The following ARHGEF7 variants were observed in gnomAD, a reference collection of about 807,000 sequenced individuals.
The protein encoded by ARHGEF7 is Rho guanine nucleotide exchange factor 7.
In ARHGEF7, 33 loss-of-function variants were observed where a neutral mutation model predicts 109.8. The ratio of observed to expected loss-of-function variants is 0.30; its 90% CI spans 0.23 to 0.40. The LOEUF (loss-of-function observed/expected upper bound fraction) is 0.40, where lower values mean the gene tolerates loss of function less well. Ranked by LOEUF, ARHGEF7 falls within the 10% of genes least tolerant of loss-of-function variation. The pLI, the probability that ARHGEF7 is intolerant of heterozygous loss-of-function variation, is 1.00. For missense variants in ARHGEF7, 938 were observed against 1,098.5 expected (o/e 0.85, Z 2.07); for synonymous variants, 458 against 424.6 (o/e 1.08, Z -0.97).
At chr13:111,135,625 T>C (rs1169683252) in intron 1 of ARHGEF7, among the ~76,000 whole-genome samples, 1 of 152,230 alleles carries the variant, frequency 6.6e-6, no homozygotes, top group African/African-American at 2.4e-5. Context: ...AGAATGCTTG[T>C]GATTTTTGCA....
At chr13:111,161,113 C>A (rs1330686414) in intron 2 of ARHGEF7, among the ~76,000 whole-genome samples, 1 of 152,066 alleles carries the variant, frequency 6.6e-6, no homozygotes, top group African/African-American at 2.4e-5. Context: ...TGAAAATATC[C>A]CTAAATCTGA....
At chr13:111,265,570 G>T in intron 8 of ARHGEF7, 1 of 456,756 alleles carries the variant, frequency 2.2e-6, no homozygotes, top group Non-Finnish European at 4.4e-6. Flanking sequence ...CGGGAAGTCC[G>T]GGGTCTGAGG....
intron 15 of ARHGEF7, among the ~76,000 whole-genome samples, chr13:111,282,507 T>G (rs2092824695): frequency 6.6e-6 from 1 of 152,226 alleles, no homozygotes; most frequent in South Asian, 2.1e-4. Context: ...CATAATTGGT[T>G]TTAATACCAG....
intron 9 of ARHGEF7, among the ~76,000 whole-genome samples, chr13:111,269,413 G>A (rs553641197): frequency 5.7e-4 from 87 of 152,320 alleles, no homozygotes; most frequent in African/African-American, 1.9e-3. Context: ...AAAATGCGAA[G>A]CCATTCAAGA....
At chr13:111,141,591 G>A (rs879103058) in intron 1 of ARHGEF7, among the ~76,000 whole-genome samples, 6 of 151,716 alleles carry the variant, frequency 4.0e-5, no homozygotes, top group Admixed American at 2.0e-4. Context: ...CTTTCTGATC[G>A]GCTTCTTTCA....
At chr13:111,173,073 C>T (rs1415118225) in intron 2 of ARHGEF7, among the ~76,000 whole-genome samples, 1 of 152,156 alleles carries the variant, frequency 6.6e-6, no homozygotes, top group Non-Finnish European at 1.5e-5. Flanking sequence ...CCTTTATTAA[C>T]GTGTTGCTGT....
rs2093614559 is a variant in ARHGEF7 at position 111,303,867 on chromosome 13, A to T, written c.*754A>T. 6.6e-6 allele frequency: 1 copy of T among 152,222 alleles called. No individual in the cohort carries two copies. The highest frequency in any genetic ancestry group is 1.5e-5 in the Non-Finnish European group (1 of 68,062). The allele number at this position is 152,222 out of a possible 1,614,324, so 9.4% of individuals were successfully genotyped here. ...GCTGTCTGAGTACTGTGATTCTCAG[A>T]TGAGTTTGCTGCGTTTTGGGAGGAC... On this transcript the variant is annotated 3_prime_UTR_variant, in exon 22 of 22. Transcript: ENST00000646102.
chr13:111,199,241 T>C (rs2080932019), intron 2 of ARHGEF7, among the ~76,000 whole-genome samples: 1 of 152,236 alleles, frequency 6.6e-6, no homozygotes, highest in South Asian at 2.1e-4. Context: ...GCAGCCATAC[T>C]GTCTGCTGCA....
At chr13:111,221,300 T>A (rs1594862092) in intron 5 of ARHGEF7, among the ~76,000 whole-genome samples, 1 of 32,948 alleles carries the variant, frequency 3.0e-5, no homozygotes, top group African/African-American at 1.2e-4. Context: ...GATATATATG[T>A]CTATATATAT....
intron 2 of ARHGEF7, among the ~76,000 whole-genome samples, chr13:111,201,104 C>G (rs1031539494): frequency 3.3e-5 from 5 of 152,152 alleles, no homozygotes; most frequent in South Asian, 4.1e-4. Context: ...CTTGTTGGCT[C>G]CTTCCAGTCT....
chr13:111,244,227 A>G lies in ARHGEF7; in HGVS notation c.883A>G (p.Met295Val), dbSNP rs2088360563. 5 of 1,609,588 alleles carry G rather than the reference A, an allele frequency of 3.1e-6. No homozygotes were observed. Among genetic ancestry groups the G allele is most frequent in the Non-Finnish European group, 3.4e-6 (4 of 1,177,844 alleles). ...KLSSANISYL[M>V]GNLEEICSFQ... Reference sequence around the variant, plus strand: ...AAGTTCAGCAAACATTTCATATTTAATGGGAAATCTAGAAGAAATATGTTC... The same window carrying G: ...AAGTTCAGCAAACATTTCATATTTAGTGGGAAATCTAGAAGAAATATGTTC... The change falls in exon 8 of 22, where the codon ATG becomes GTG. Residue 295 changes from methionine to valine, a missense_variant. Met to Val is a conservative substitution (Grantham distance 21). Coordinates refer to ENST00000646102, the MANE Select transcript of ARHGEF7 (RefSeq NM_001354046.2).
At chr13:111,180,853 G>A (rs929382854) in intron 2 of ARHGEF7, among the ~76,000 whole-genome samples, 2 of 152,312 alleles carry the variant, frequency 1.3e-5, no homozygotes, top group East Asian at 1.9e-4. Context: ...TAATACGTGT[G>A]TTTATATAGA....
intron 5 of ARHGEF7, among the ~76,000 whole-genome samples, chr13:111,219,288 G>A (rs1170304498): frequency 6.6e-6 from 1 of 152,172 alleles, no homozygotes; most frequent in Non-Finnish European, 1.5e-5. Context: ...ATTTCATTCA[G>A]CATAAAGTGC....
In ARHGEF7 at chr13:111,304,605, G is replaced by T. The variant is rs568283356; in HGVS notation, c.*1492G>T. On this transcript the variant is annotated 3_prime_UTR_variant, in exon 22 of 22. Transcript: ENST00000646102. ...GAATCCTTTGTGTACTGATGCCTTTGAGCTGGGCACCTTGGGAGAGTGTTG... is the reference window on the plus strand; with the variant it reads ...GAATCCTTTGTGTACTGATGCCTTTTAGCTGGGCACCTTGGGAGAGTGTTG... 6.6e-6 allele frequency: 1 copy of T among 152,312 alleles called. No individual in the cohort carries two copies. The highest frequency in any genetic ancestry group is 1.9e-4 in the East Asian group (1 of 5,184). The allele number at this position is 152,312 out of a possible 1,614,324, so 9.4% of individuals were successfully genotyped here.
At chr13:111,268,554 G>GTTGGCACC (rs2091872251) in intron 9 of ARHGEF7, among the ~76,000 whole-genome samples, 1 of 152,236 alleles carries the variant, frequency 6.6e-6, no homozygotes, top group African/African-American at 2.4e-5. Context: ...CCTCGTCAGT[G>GTTGGCACC]AACAGGTGTT....
Position 111,303,014 on chromosome 13 carries a change from T to C in ARHGEF7, c.2490T>C (p.Ser830=), listed in dbSNP as rs763193799. The change falls in exon 22 of 22, where the codon TCT becomes TCC. Residue 830 remains serine, a synonymous_variant. Transcript: ENST00000646102. The stretch of plus-strand genomic sequence containing the variant: ...AGGACAACAAAAAGATGAAGAAATC[T>C]CTAGAGGAAGAACAGAGAGCCCGCA... ...LRQDNKKMKK[S]LEEEQRARKD... is the part of the protein sequence containing the mutation. 1.2e-6 allele frequency: 2 copies of C among 1,614,062 alleles called. No individual in the cohort carries two copies. Among genetic ancestry groups the C allele is most frequent in the Non-Finnish European group, 8.5e-7 (1 of 1,179,986 alleles).
At chr13:111,153,877 C>G in intron 1 of ARHGEF7, 28 bp from the exon 2 acceptor site, 1 of 1,582,514 alleles carries the variant, frequency 6.3e-7, no homozygotes, top group Non-Finnish European at 8.6e-7. Context: ...CCGGCCACGG[C>G]GCTCAGCGCT....
At chr13:111,231,287 A>G (rs2086015313) in intron 5 of ARHGEF7, among the ~76,000 whole-genome samples, 1 of 152,262 alleles carries the variant, frequency 6.6e-6, no homozygotes, top group Non-Finnish European at 1.5e-5. Context: ...GAGATTGAGT[A>G]GGTAAGTGTG....
intron 5 of ARHGEF7, among the ~76,000 whole-genome samples, chr13:111,225,132 G>A (rs539509342): frequency 3.4e-4 from 52 of 152,290 alleles, no homozygotes; most frequent in Admixed American, 9.1e-4. Flanking sequence ...GCTGCCTCCC[G>A]TTGTCGGTGA....
Sources: gnomAD v4.1 joint callset for allele counts (sites outside exome capture counted in the v4.1 genomes callset) on GRCh38, gnomAD v4.1.1 for gene constraint, MANE v1.5 for transcripts, NCBI Gene and HGNC (gene_info 2026-07-23, HGNC 2026-07-21) for gene names.